FAM193A: variants seen among roughly 807,000 people sequenced by gnomAD.
FAM193A encodes family with sequence similarity 193 member A, also known as protein FAM193A.
FAM193A carries 22 observed loss-of-function variants against 126.5 expected under a neutral mutation model. The observed-to-expected ratio is 0.17, with a 90% CI of 0.12 to 0.25. FAM193A has a LOEUF of 0.25. Among genes scored for constraint, FAM193A ranks in the 10% least tolerant of loss-of-function variants. The probability of loss-of-function intolerance (pLI) is 1.00; values close to 1 mark genes in which losing one functional copy is unlikely to be tolerated. For synonymous variants in FAM193A, 761 were observed against 646.8 expected (o/e 1.18, Z -2.68); for missense variants, 1,675 against 1,672.8 (o/e 1.00, Z -0.02).
At chr4:2,711,720 G>T (rs553168663) in intron 19 of FAM193A, among the ~76,000 whole-genome samples, 10 of 151,878 alleles carry the variant, frequency 6.6e-5, no homozygotes, top group Middle Eastern at 3.4e-3. Context: ...AGGCCGAGGC[G>T]GGCAGATCAC....
chr4:2,680,589 A>G (rs1362423207), intron 13 of FAM193A, among the ~76,000 whole-genome samples: 1 of 151,922 alleles, frequency 6.6e-6, no homozygotes, highest in Non-Finnish European at 1.5e-5. Flanking sequence ...CTACTACCTC[A>G]GCCTCCCAAA....
chr4:2,663,330 G>A (rs755230274), intron 12 of FAM193A, 42 bp downstream of exon 12: 1 of 1,476,878 alleles, frequency 6.8e-7, no homozygotes, highest in Admixed American at 2.4e-5. Flanking sequence ...CTCTTTTTCT[G>A]TGTGTATTTT....
intron 2 of FAM193A, among the ~76,000 whole-genome samples, chr4:2,616,061 A>C (rs993344266): frequency 6.6e-6 from 1 of 152,216 alleles, no homozygotes; most frequent in African/African-American, 2.4e-5. Context: ...TCAGCCTCCC[A>C]AAGTGCTTGG....
intron 1 of FAM193A, among the ~76,000 whole-genome samples, chr4:2,538,221 C>T (rs941151516): frequency 5.4e-5 from 8 of 148,846 alleles, no homozygotes; most frequent in Non-Finnish European, 1.0e-4. Flanking sequence ...CTTTTGAGAA[C>T]GGAGTCTCGC....
At chr4:2,589,157 A>T (rs1425343772) in intron 1 of FAM193A, among the ~76,000 whole-genome samples, 1 of 152,226 alleles carries the variant, frequency 6.6e-6, no homozygotes, top group Non-Finnish European at 1.5e-5. Context: ...AATAGACTTA[A>T]AACACGGCAA....
At position 2,577,416 on chromosome 4, in the gene FAM193A, TTTTTTG is replaced by T. The variant is rs1471796845; in HGVS notation, c.256-18662_256-18657del. Among the ~76,000 whole-genome samples the T allele has an allele frequency of 4.7e-3, 626 of 131,910 alleles. 5 individuals are homozygous for T. The highest frequency in any genetic ancestry group is 0.02 in the African/African-American group (587 of 29,872). 86.5% of individuals were successfully genotyped at this position (131,910 alleles called of 152,430 possible). ...CTATTCACTCAATTAAAGTGGTTTT[TTTTTTG>T]TTTTTTTTTTTTTTGAGACAGAGTC... is the stretch of plus-strand genomic sequence containing the variant. On this transcript the variant is annotated intron_variant, in intron 1 of 20. Transcript: ENST00000637812.
intron 1 of FAM193A, among the ~76,000 whole-genome samples, chr4:2,593,529 G>A (rs1740685319): frequency 6.6e-6 from 1 of 152,150 alleles, no homozygotes; most frequent in South Asian, 2.1e-4. Context: ...ATTTTTTCAT[G>A]TATTTGTCTT....
chr4:2,659,460 C>T (rs1162550438), intron 8 of FAM193A, 98 bp from the exon 9 acceptor site: 10 of 837,186 alleles, frequency 1.2e-5, no homozygotes, highest in South Asian at 6.3e-5. Flanking sequence ...AAGCAGTGCC[C>T]GTGAACATGA....
intron 1 of FAM193A, among the ~76,000 whole-genome samples, chr4:2,558,446 G>C (rs1353117017): frequency 6.6e-6 from 1 of 152,120 alleles, no homozygotes; most frequent in Non-Finnish European, 1.5e-5. Context: ...CAATTCCGCC[G>C]TCATAGCTCA....
chr4:2,573,071 G>C (rs1169943535), intron 1 of FAM193A, among the ~76,000 whole-genome samples: 1 of 152,052 alleles, frequency 6.6e-6, no homozygotes, highest in East Asian at 1.9e-4. Context: ...TTGAGTTCTT[G>C]GTTGACTCAG....
intron 7 of FAM193A, among the ~76,000 whole-genome samples, chr4:2,647,922 G>T (rs1299549344): frequency 1.3e-5 from 2 of 152,096 alleles, no homozygotes; most frequent in Non-Finnish European, 2.9e-5. Flanking sequence ...TGCCACCTGT[G>T]GCTCCTTGTC....
In FAM193A at chr4:2,662,958, T is replaced by A; in HGVS notation, c.1866T>A (p.Asn622Lys). Residue 622 changes from asparagine to lysine, a missense_variant, in exon 11 of 21, where the codon AAT (asparagine) becomes AAA (lysine). Around this residue, in one of 4 missense-constraint regions of FAM193A, gnomAD observed 1,186 missense variants for 1,109.2 expected, o/e 1.07. Coordinates refer to ENST00000637812, the MANE Select transcript of FAM193A (RefSeq NM_001366318.2). ...ANMNGIHSEL[N>K]GGGENMALKD... Reference sequence around the variant, plus strand: ...TGAATGGAATCCACAGCGAATTGAATGGTGGCGGGGAAAACATGGCCCTGA... The same window carrying A: ...TGAATGGAATCCACAGCGAATTGAAAGGTGGCGGGGAAAACATGGCCCTGA... 1.2e-6 allele frequency: 2 copies of A among 1,613,352 alleles called. No individual in the cohort carries two copies. The highest frequency in any genetic ancestry group is 1.7e-6 in the Non-Finnish European group (2 of 1,179,298).
rs562276379 is a variant in FAM193A, at chr4:2,646,757, C to G, written c.1236C>G (p.Ser412=). The stretch of plus-strand genomic sequence containing the variant: ...CCTTGCTGCAGAGGTACCAGCGTTC[C>G]GAGGAGGAGCTGCGCAGAGTCGCCG... ...YSTLLQRYQR[S]EEELRRVAEE... Residue 412 remains serine, a synonymous_variant, in exon 7 of 21, where the codon TCC becomes TCG. Coordinates refer to ENST00000637812, the MANE Select transcript of FAM193A (RefSeq NM_001366318.2). The G allele has an allele frequency of 6.2e-7, 1 of 1,614,066 alleles. No homozygotes were observed. Among genetic ancestry groups the G allele is most frequent in the Admixed American group, 1.7e-5 (1 of 60,006 alleles).
chr4:2,683,358 C>T (rs13119919), intron 13 of FAM193A, among the ~76,000 whole-genome samples: 4,847 of 151,946 alleles, frequency 0.032, 95 homozygotes, highest in South Asian at 0.07. Context: ...GCAGTGGCGC[C>T]ATCTCGGCTC....
chr4:2,700,553 A>C lies in FAM193A; in HGVS notation c.4372+9A>C, dbSNP rs761323822. The stretch of plus-strand genomic sequence containing the variant: ...AGTCAACAATTCAATTGGTAAATAC[A>C]GAATAGCGGGAAGGTATTTCTGAGC... On this transcript the variant is annotated intron_variant, in intron 19 of 20. Coordinates refer to ENST00000637812, the MANE Select transcript of FAM193A (RefSeq NM_001366318.2). 1.2e-6 allele frequency: 2 copies of C among 1,601,946 alleles called. No homozygotes were observed. The highest frequency in any genetic ancestry group is 1.7e-6 in the Non-Finnish European group (2 of 1,174,804).
chr4:2,639,751 A>G lies in FAM193A; in HGVS notation c.1055A>G (p.Lys352Arg). Residue 352 changes from lysine to arginine, a missense_variant, in exon 6 of 21, where the codon AAA becomes AGA. Coordinates refer to ENST00000637812, the MANE Select transcript of FAM193A (RefSeq NM_001366318.2). ...FLGTLENEHL[K>R]KFQVTWELHN... ...CTTAACCAGGAAAATGAACACTTGA[A>G]AAAGTTCCAAGTGACGTGGGAACTG... The G allele has an allele frequency of 6.2e-7, 1 of 1,612,138 alleles. No individual in the cohort carries two copies. The highest frequency in any genetic ancestry group is 1.3e-5 in the African/African-American group (1 of 74,964).
intron 20 of FAM193A, among the ~76,000 whole-genome samples, chr4:2,730,874 C>G (rs1434071068): frequency 1.3e-5 from 2 of 151,600 alleles, no homozygotes; most frequent in Non-Finnish European, 2.9e-5. Flanking sequence ...GCCTGGGTGA[C>G]AGAGACTCCA....
At chr4:2,539,567 T>C (rs1302843477) in intron 1 of FAM193A, among the ~76,000 whole-genome samples, 2 of 152,040 alleles carry the variant, frequency 1.3e-5, no homozygotes, top group Non-Finnish European at 2.9e-5. Context: ...CCACCATGCC[T>C]GGCTAATTTG....
chr4:2,629,855 GGT>G (rs1743366279), intron 4 of FAM193A, among the ~76,000 whole-genome samples: 3 of 152,134 alleles, frequency 2.0e-5, no homozygotes, highest in Non-Finnish European at 4.4e-5. Context: ...TTATCGGCCG[GGT>G]GCGGTGGCTC....
Sources: gnomAD v4.1 joint callset for allele counts (sites outside exome capture counted in the v4.1 genomes callset) on GRCh38, gnomAD v4.1.1 for gene constraint, gnomAD v4.1.1 regional missense constraint, MANE v1.5 for transcripts, NCBI Gene and HGNC (gene_info 2026-07-23, HGNC 2026-07-21) for gene names.